The following BANF2 variants were observed in gnomAD, a reference collection of about 807,000 sequenced individuals.
BANF2 encodes barrier-to-autointegration factor-like protein.
In BANF2, 4 loss-of-function variants were observed where a neutral mutation model predicts 8.0. The ratio of observed to expected loss-of-function variants is 0.50; its 90% CI spans 0.25 to 1.14. BANF2 has a LOEUF of 1.14. Among genes scored for constraint, BANF2 ranks in the 50% most tolerant of loss-of-function variants. BANF2 has a pLI of 0.16. For synonymous variants in BANF2, 50 were observed against 40.6 expected, an observed-to-expected ratio of 1.23 and a Z score of -0.88; for missense variants, 96 against 107.5, an observed-to-expected ratio of 0.89 and a Z score of 0.47.
In BANF2 at chr20:17,725,075, G is replaced by T. The variant is rs772359475; in HGVS notation, c.50G>T (p.Gly17Val). 1 of 1,610,078 alleles carries T rather than the reference G, an allele frequency of 6.2e-7. No homozygotes were observed. Among genetic ancestry groups the T allele is most frequent in the South Asian group, 1.1e-5 (1 of 90,990 alleles). The stretch of plus-strand genomic sequence containing the variant: ...AGAGCCTTCCTCTCCGAACCCATTG[G>T]AGAAAAGGATGTCTGCTGGGTGGAT... The part of the protein sequence containing the change: ...RLRAFLSEPI[G>V]EKDVCWVDGI... The change falls in exon 3 of 4, where the codon GGA (glycine) becomes GTA (valine). Residue 17 changes from glycine to valine, a missense_variant. Gly to Val is a moderately radical substitution (Grantham distance 109). Transcript: ENST00000246090.
chr20:17,733,837 G>T (rs2037937448), intron 3 of BANF2, among the ~76,000 whole-genome samples: 1 of 152,162 alleles, frequency 6.6e-6, no homozygotes, highest in African/African-American at 2.4e-5. Context: ...TATATTTTAT[G>T]ACTGGGATTC....
intron 1 of BANF2, among the ~76,000 whole-genome samples, chr20:17,716,063 T>C (rs1235825331): frequency 6.6e-6 from 1 of 152,100 alleles, no homozygotes. Flanking sequence ...GTGACTCATG[T>C]GGCCCAAGAA....
chr20:17,707,262 C>T (rs970011833), intron 1 of BANF2, among the ~76,000 whole-genome samples: 5 of 151,328 alleles, frequency 3.3e-5, no homozygotes, highest in African/African-American at 7.3e-5. Flanking sequence ...TGGTGGCAGG[C>T]GCAGTCCCAG....
intron 3 of BANF2, among the ~76,000 whole-genome samples, chr20:17,725,870 C>T (rs530138427): frequency 1.3e-5 from 2 of 152,290 alleles, no homozygotes; most frequent in East Asian, 3.9e-4. Context: ...GTCAGTCTAC[C>T]AGGCGGGACA....
Position 17,700,863 on chromosome 20 carries a change from G to A in BANF2, c.-167+808G>A, listed in dbSNP as rs117783198. 3.9e-3 allele frequency among the ~76,000 whole-genome samples: 600 copies of A among 152,276 alleles called. 5 individuals carry two copies. Among genetic ancestry groups the A allele is most frequent in the Non-Finnish European group, 2.8e-3 (192 of 68,026 alleles). ...CTGCCTTCCCTACCATGGCCCATTC[G>A]TGTTTTCCCACAGTCTGTCTACGGT... On this transcript the variant is annotated intron_variant, in intron 1 of 3. Transcript: ENST00000246090.
chr20:17,696,004 A>G (rs1372963737), upstream of BANF2, among the ~76,000 whole-genome samples: 1 of 152,130 alleles, frequency 6.6e-6, no homozygotes, highest in African/African-American at 2.4e-5. Context: ...ATGCATCAAG[A>G]GTTTGTTCCT....
chr20:17,703,367 C>T (rs184339197), intron 1 of BANF2, among the ~76,000 whole-genome samples: 3 of 152,324 alleles, frequency 2.0e-5, no homozygotes, highest in Admixed American at 6.5e-5. Flanking sequence ...CCTGGAACAG[C>T]GCCTGAGAGG....
At chr20:17,694,091 T>C (rs1033443284) in intron 1 of BANF2, among the ~76,000 whole-genome samples, 29 of 152,218 alleles carry the variant, frequency 1.9e-4, no homozygotes, top group African/African-American at 4.6e-4. Context: ...AATAAGTACT[T>C]GTTCGTTCAT....
chr20:17,714,211 A>AG (rs2037617997), intron 1 of BANF2, among the ~76,000 whole-genome samples: 3 of 143,232 alleles, frequency 2.1e-5, no homozygotes, highest in East Asian at 2.0e-4. Flanking sequence ...AAAAAAAAAA[A>AG]AAAGAAAGAA....
chr20:17,703,972 T>C (rs1035821636), intron 1 of BANF2, among the ~76,000 whole-genome samples: 1 of 152,300 alleles, frequency 6.6e-6, no homozygotes, highest in Non-Finnish European at 1.5e-5. Flanking sequence ...GATCTCAAAC[T>C]CCTGACCTCA....
intron 1 of BANF2, among the ~76,000 whole-genome samples, chr20:17,705,824 A>G (rs910351631): frequency 1.3e-5 from 2 of 152,246 alleles, no homozygotes; most frequent in Non-Finnish European, 2.9e-5. Context: ...GTGCAGAAGC[A>G]TCTCTTTGTA....
At chr20:17,694,462 A>T (rs1189571948) in intron 1 of BANF2, among the ~76,000 whole-genome samples, 1 of 152,082 alleles carries the variant, frequency 6.6e-6, no homozygotes, top group East Asian at 1.9e-4. Context: ...GCTGGTGAGG[A>T]AGTAGTGCTC....
chr20:17,712,978 T>G (rs1475190896), intron 1 of BANF2, among the ~76,000 whole-genome samples: 1 of 152,154 alleles, frequency 6.6e-6, no homozygotes, highest in African/African-American at 2.4e-5. Context: ...CCGGGCATGG[T>G]GGCTCATGCC....
intron 3 of BANF2, among the ~76,000 whole-genome samples, chr20:17,726,158 A>T (rs1050674306): frequency 5.9e-5 from 9 of 152,156 alleles, no homozygotes; most frequent in Non-Finnish European, 1.2e-4. Context: ...ACAAATTTTA[A>T]ATGAAAAAAT....
At chr20:17,712,960 A>T (rs1414768002) in intron 1 of BANF2, among the ~76,000 whole-genome samples, 1 of 152,100 alleles carries the variant, frequency 6.6e-6, no homozygotes, top group Admixed American at 6.5e-5. Context: ...AAAGAGGAAA[A>T]ATCCTGGCCG....
intron 3 of BANF2, 129 bp downstream of exon 3, chr20:17,725,280 G>T: frequency 8.3e-7 from 1 of 1,203,666 alleles, no homozygotes. Flanking sequence ...GCTTGGCGGG[G>T]TGCCACATGC....
chr20:17,706,792 G>C (rs1209680620), intron 1 of BANF2, among the ~76,000 whole-genome samples: 1 of 152,204 alleles, frequency 6.6e-6, no homozygotes, highest in African/African-American at 2.4e-5. Context: ...GTGCAGATCA[G>C]TGCAAAGGTC....
At chr20:17,703,865 A>C (rs533199119) in intron 1 of BANF2, among the ~76,000 whole-genome samples, 1 of 150,834 alleles carries the variant, frequency 6.6e-6, no homozygotes, top group South Asian at 2.1e-4. Context: ...CTCCTGCCTC[A>C]GCCTCCTGAG....
At chr20:17,704,900 C>T (rs1176379237) in intron 1 of BANF2, among the ~76,000 whole-genome samples, 1 of 152,212 alleles carries the variant, frequency 6.6e-6, no homozygotes, top group East Asian at 1.9e-4. Context: ...GAGAGACGAA[C>T]ACTCACTTAG....
Sources: gnomAD v4.1 joint callset for allele counts (sites outside exome capture counted in the v4.1 genomes callset) on GRCh38, gnomAD v4.1.1 for gene constraint, MANE v1.5 for transcripts, NCBI Gene and HGNC (gene_info 2026-07-23, HGNC 2026-07-21) for gene names.